The following KANTR variants were observed in gnomAD, a reference collection of about 807,000 sequenced individuals.
KANTR encodes the protein KANTR integral membrane protein, also known as KDM5C adjacent transcript.
intron 2 of KANTR, among the ~76,000 whole-genome samples, chrX:53,106,970 A>G (rs1556812914): frequency 1.8e-5 from 2 of 109,875 alleles, no homozygotes; most frequent in East Asian, 2.8e-4. Flanking sequence ...ATAATTGACC[A>G]TAAAACATAA....
chrX:53,136,544 T>C (rs1933422304), intron 2 of KANTR, among the ~76,000 whole-genome samples: 1 of 92,028 alleles, frequency 1.1e-5, no homozygotes, highest in Non-Finnish European at 2.2e-5. Flanking sequence ...GGCTTTTTTT[T>C]TTTTTTTTCA....
intron 1 of KANTR, among the ~76,000 whole-genome samples, chrX:53,095,287 C>T (rs782758297): frequency 8.9e-6 from 1 of 111,940 alleles, no homozygotes; most frequent in Non-Finnish European, 1.9e-5. Flanking sequence ...CCTGGACATC[C>T]TATTTTCTAT....
chrX:53,129,235 T>TTGTGTGTG (rs57493383), downstream of KANTR, among the ~76,000 whole-genome samples: 2,752 of 83,296 alleles, frequency 0.033, 93 homozygotes, highest in African/African-American at 0.082. Context: ...GCCTGGCTAT[T>TTGTGTGTG]TGTGTGTGTG....
At chrX:53,107,952 C>A (rs952936356) in intron 2 of KANTR, among the ~76,000 whole-genome samples, 3 of 101,123 alleles carry the variant, frequency 3.0e-5, no homozygotes, top group African/African-American at 1.1e-4. Flanking sequence ...TGCAGTGGGG[C>A]GCTCTTGGCT....
chrX:53,138,035 C>T (rs1170102369), intron 2 of KANTR, among the ~76,000 whole-genome samples: 1 of 109,437 alleles, frequency 9.1e-6, no homozygotes, highest in Non-Finnish European at 1.9e-5. Context: ...TTTATTTCTG[C>T]CTTATTTCTT....
rs1933390502 is a variant in KANTR at position 53,133,961 on chromosome X, T to C, written n.204-7887T>C. Reference sequence around the variant, plus strand: ...TCCAGCTTATCCTCTCCTGGAACTCTTCACCTAATTGTAGCAATACTGCTC... The same window carrying C: ...TCCAGCTTATCCTCTCCTGGAACTCCTCACCTAATTGTAGCAATACTGCTC... On this transcript the variant is annotated intron_variant and non_coding_transcript_variant, in intron 2 of 2. Coordinates refer to the KANTR transcript ENST00000366185. Among the ~76,000 whole-genome samples, 3 of 111,845 alleles carry C rather than the reference T, an allele frequency of 2.7e-5. No homozygotes were observed. In the South Asian group the frequency reaches 1.1e-3, roughly 42 times the overall value.
At chrX:53,118,830 T>G (rs1933174218) in intron 2 of KANTR, among the ~76,000 whole-genome samples, 1 of 110,140 alleles carries the variant, frequency 9.1e-6, no homozygotes, top group African/African-American at 3.3e-5. Context: ...GGTCGTGAAC[T>G]CCTGTGCTCA....
downstream of KANTR, among the ~76,000 whole-genome samples, chrX:53,144,084 A>G (rs1374738982): frequency 8.9e-6 from 1 of 112,232 alleles, no homozygotes; most frequent in Non-Finnish European, 1.9e-5. Flanking sequence ...AGGAAAACAT[A>G]TAACAATAGA....
downstream of KANTR, among the ~76,000 whole-genome samples, chrX:53,146,947 T>TA (rs1473397973): frequency 2.7e-5 from 3 of 111,763 alleles, no homozygotes; most frequent in Non-Finnish European, 5.6e-5. Flanking sequence ...AAGCCTGCCC[T>TA]AAAAGAGCTC....
intron 2 of KANTR, among the ~76,000 whole-genome samples, chrX:53,118,834 G>T (rs1404246284): frequency 9.1e-6 from 1 of 109,937 alleles, no homozygotes; most frequent in African/African-American, 3.3e-5. Context: ...GTGAACTCCT[G>T]TGCTCAAAGG....
chrX:53,098,011 A>G (rs1425134849), intron 1 of KANTR, among the ~76,000 whole-genome samples: 1 of 99,361 alleles, frequency 1.0e-5, no homozygotes, highest in Non-Finnish European at 2.0e-5. Context: ...AGATCATGCC[A>G]CTGCACTCCA....
intron 2 of KANTR, among the ~76,000 whole-genome samples, chrX:53,108,707 CTT>C (rs144256115): frequency 9.7e-6 from 1 of 102,771 alleles, no homozygotes. Context: ...GTCTGAATGC[CTT>C]TTTTTTTTTG....
At chrX:53,147,346 G>C (rs1002980378), downstream of KANTR, among the ~76,000 whole-genome samples, 21 of 111,022 alleles carry the variant, frequency 1.9e-4, no homozygotes, top group African/African-American at 6.2e-4. Flanking sequence ...GACTTTAAAC[G>C]AACAAAGATC....
chrX:53,101,331 C>T (rs899792807), intron 2 of KANTR, among the ~76,000 whole-genome samples: 22 of 111,672 alleles, frequency 2.0e-4, no homozygotes, highest in Admixed American at 3.8e-4. Flanking sequence ...GAAGGCCGGG[C>T]GCAATGGCCC....
At chrX:53,098,079 G>T (rs190746046) in intron 1 of KANTR, among the ~76,000 whole-genome samples, 1,055 of 98,007 alleles carry the variant, frequency 0.011, 19 homozygotes, top group African/African-American at 0.038. Context: ...AAGAAAGAAA[G>T]AAATTATATA....
intron 2 of KANTR, among the ~76,000 whole-genome samples, chrX:53,110,067 T>G (rs1293317976): frequency 8.9e-6 from 1 of 111,920 alleles, no homozygotes; most frequent in Non-Finnish European, 1.9e-5. Context: ...GTTCTAACAG[T>G]TTTTTGGTGG....
downstream of KANTR, chrX:53,143,928 G>C (rs1324819763): frequency 2.9e-6 from 1 of 348,039 alleles, no homozygotes; most frequent in Non-Finnish European, 5.4e-6. Flanking sequence ...ACCTGTGGAA[G>C]AGCAGGGCGG....
At chrX:53,120,318 G>T (rs1291887628) in intron 2 of KANTR, among the ~76,000 whole-genome samples, 6 of 111,896 alleles carry the variant, frequency 5.4e-5, no homozygotes, top group Admixed American at 9.5e-5. Context: ...TTACAGGTGG[G>T]GGTTACCACG....
At chrX:53,100,488 A>G (rs1932880953) in intron 2 of KANTR, among the ~76,000 whole-genome samples, 1 of 106,503 alleles carries the variant, frequency 9.4e-6, no homozygotes. Flanking sequence ...CTCAAAAAAA[A>G]AAAAGAAAAG....
Sources: allele counts gnomAD v4.1 joint callset (sites outside exome capture counted in the v4.1 genomes callset), GRCh38; gene constraint gnomAD v4.1.1; transcripts MANE v1.5; gene names NCBI Gene and HGNC (gene_info 2026-07-23, HGNC 2026-07-21).